HECW1: variants seen among roughly 807,000 people sequenced by gnomAD.
HECW1 encodes E3 ubiquitin-protein ligase HECW1.
Under a neutral mutation model 182.3 loss-of-function variants are expected in HECW1, and 61 were observed. The observed-to-expected ratio is 0.33, with a 90% CI of 0.27 to 0.41. HECW1 has a LOEUF of 0.41. Among genes scored for constraint, HECW1 ranks in the 10% least tolerant of loss-of-function variants. The pLI, the probability that HECW1 is intolerant of heterozygous loss-of-function variation, is 1.00. For missense variants in HECW1, 1,739 were observed against 2,108.9 expected, an observed-to-expected ratio of 0.82 and a Z score of 3.44; for synonymous variants, 859 against 832.6, an observed-to-expected ratio of 1.03 and a Z score of -0.55.
In HECW1 at chr7:43,541,905, GGAATTCCACCA is replaced by G; in HGVS notation, c.4158_4168del (p.His1388AlafsTer19). The stretch of plus-strand genomic sequence containing the variant: ...TGAGTGACCTGGAATATTTGGATGA[GGAATTCCACCA>G]GAGTTTGCAGTGGATGAAGGACAAC... On this transcript the variant is annotated frameshift_variant, in exon 26 of 30. Coordinates refer to ENST00000395891, the MANE Select transcript of HECW1 (RefSeq NM_015052.5). LOFTEE classifies it high-confidence loss of function. The G allele has an allele frequency of 6.5e-7, 1 of 1,544,026 alleles. No individual in the cohort carries two copies. The highest frequency in any genetic ancestry group is 8.7e-7 in the Non-Finnish European group (1 of 1,145,644).
intron 2 of HECW1, among the ~76,000 whole-genome samples, chr7:43,179,970 G>A (rs1262687431): frequency 6.6e-6 from 1 of 152,212 alleles, no homozygotes. Context: ...TTTATCTGTG[G>A]AGGGTAAAAT....
intron 3 of HECW1, among the ~76,000 whole-genome samples, chr7:43,305,765 AT>A (rs562122270): frequency 6.0e-4 from 87 of 144,046 alleles, no homozygotes; most frequent in African/African-American, 1.1e-3. Flanking sequence ...CGCCCAGCTA[AT>A]TTTTTTTTTT....
intron 2 of HECW1, among the ~76,000 whole-genome samples, chr7:43,215,049 C>T (rs1796322973): frequency 6.6e-6 from 1 of 152,200 alleles, no homozygotes. Flanking sequence ...TCCTGCTCTC[C>T]TTGGGTTTGC....
At chr7:43,229,009 T>C (rs535083655) in intron 2 of HECW1, among the ~76,000 whole-genome samples, 115 of 152,356 alleles carry the variant, frequency 7.5e-4, no homozygotes, top group African/African-American at 2.7e-3. Context: ...AGCTTTCAGA[T>C]TTTCCACAGT....
At chr7:43,419,715 T>C (rs986048882) in intron 8 of HECW1, among the ~76,000 whole-genome samples, 2 of 152,238 alleles carry the variant, frequency 1.3e-5, no homozygotes, top group Non-Finnish European at 2.9e-5. Flanking sequence ...ACTTTTTTGT[T>C]AGAAATGCTT....
chr7:43,531,321 A>C (rs2080976744), intron 24 of HECW1, among the ~76,000 whole-genome samples: 1 of 152,182 alleles, frequency 6.6e-6, no homozygotes, highest in South Asian at 2.1e-4. Context: ...CACCCTGTGC[A>C]CTTCTCTTCA....
chr7:43,210,254 C>A (rs1795886685), intron 2 of HECW1, among the ~76,000 whole-genome samples: 1 of 151,926 alleles, frequency 6.6e-6, no homozygotes, highest in East Asian at 1.9e-4. Context: ...TTGTCACTGC[C>A]CAAAACGAAC....
chr7:43,331,798 A>T (rs1315493188), intron 5 of HECW1, among the ~76,000 whole-genome samples: 1 of 152,108 alleles, frequency 6.6e-6, no homozygotes, highest in Non-Finnish European at 1.5e-5. Context: ...TAAGGTTCAG[A>T]GTGGTAGGTG....
intron 19 of HECW1, among the ~76,000 whole-genome samples, chr7:43,496,330 G>A (rs1282825554): frequency 6.6e-6 from 1 of 151,794 alleles, no homozygotes; most frequent in Non-Finnish European, 1.5e-5. Context: ...GGACCCTAAG[G>A]AAACTGTGGA....
chr7:43,166,284 T>C (rs934969161), intron 2 of HECW1, among the ~76,000 whole-genome samples: 1 of 152,222 alleles, frequency 6.6e-6, no homozygotes, highest in Non-Finnish European at 1.5e-5. Context: ...GGTTTTGCTA[T>C]GTTGGCCAGG....
chr7:43,451,978 A>T (rs1465116431), intron 12 of HECW1, among the ~76,000 whole-genome samples: 1 of 152,220 alleles, frequency 6.6e-6, no homozygotes, highest in Non-Finnish European at 1.5e-5. Flanking sequence ...TGTACTTTAC[A>T]GGAACACCAC....
chr7:43,361,355 T>A (rs1484182188), intron 6 of HECW1, among the ~76,000 whole-genome samples: 2 of 152,232 alleles, frequency 1.3e-5, no homozygotes, highest in Admixed American at 1.3e-4. Context: ...TATATTTTCT[T>A]ATGTTTTTAT....
At chr7:43,534,632 A>G (rs769605322) in intron 24 of HECW1, among the ~76,000 whole-genome samples, 3 of 152,228 alleles carry the variant, frequency 2.0e-5, no homozygotes, top group African/African-American at 4.8e-5. Flanking sequence ...GGTATAAGAC[A>G]TTTCAGACAT....
intron 2 of HECW1, among the ~76,000 whole-genome samples, chr7:43,134,119 G>A (rs1304997037): frequency 6.6e-6 from 1 of 151,976 alleles, no homozygotes; most frequent in Admixed American, 6.5e-5. Flanking sequence ...ATAAATTTGT[G>A]GCCGGGCATG....
chr7:43,484,804 T>A (rs1172768387), intron 17 of HECW1, among the ~76,000 whole-genome samples: 1 of 152,192 alleles, frequency 6.6e-6, no homozygotes, highest in African/African-American at 2.4e-5. Context: ...CACTTGCATT[T>A]TAAGGCGGAG....
chr7:43,311,977 T>C lies in HECW1; in HGVS notation c.242T>C (p.Leu81Pro). ...DLVTSDSRST[L>P]MVSSSYYSIG... Reference sequence around the variant, plus strand: ...GTCACCTCGGACAGCCGCTCCACGCTCATGGTCAGCAGCTCCTACTATTCC... The same window carrying C: ...GTCACCTCGGACAGCCGCTCCACGCCCATGGTCAGCAGCTCCTACTATTCC... The change falls in exon 4 of 30, where the codon CTC (leucine) becomes CCC (proline). Residue 81 changes from leucine (L) to proline (P), a missense_variant. By Grantham distance (98) the Leu-to-Pro change is moderately conservative. This residue lies in a region of HECW1 where 279 missense variants were observed against 353.1 expected (regional missense o/e 0.79). Coordinates refer to ENST00000395891, the MANE Select transcript of HECW1 (RefSeq NM_015052.5). 6.2e-7 allele frequency: 1 copy of C among 1,614,196 alleles called. No homozygotes were observed. Among genetic ancestry groups the C allele is most frequent in the Non-Finnish European group, 8.5e-7 (1 of 1,180,024 alleles).
intron 2 of HECW1, among the ~76,000 whole-genome samples, chr7:43,187,053 G>A (rs1793477311): frequency 6.8e-6 from 1 of 146,364 alleles, no homozygotes; most frequent in Non-Finnish European, 1.5e-5. Flanking sequence ...TGAGGTTGCA[G>A]TCAAGACGTC....
At chr7:43,180,980 G>A (rs959660578) in intron 2 of HECW1, among the ~76,000 whole-genome samples, 1 of 151,934 alleles carries the variant, frequency 6.6e-6, no homozygotes, top group African/African-American at 2.4e-5. Context: ...CACATTGGCC[G>A]ACCTCTCCTC....
intron 26 of HECW1, among the ~76,000 whole-genome samples, chr7:43,546,209 T>C (rs1196340543): frequency 5.7e-5 from 8 of 139,470 alleles, no homozygotes; most frequent in African/African-American, 2.1e-4. Flanking sequence ...TGAAACCCTT[T>C]ACCCCCAACC....
Sources: allele counts gnomAD v4.1 joint callset (sites outside exome capture counted in the v4.1 genomes callset), GRCh38; gene constraint gnomAD v4.1.1; regional missense constraint gnomAD v4.1.1; transcripts MANE v1.5; gene names NCBI Gene and HGNC (gene_info 2026-07-23, HGNC 2026-07-21).